ACER3: variants seen among roughly 807,000 people sequenced by gnomAD.
The protein encoded by ACER3 is alkaline ceramidase 3.
A neutral mutation model predicts 48.9 loss-of-function variants in ACER3; 16 were observed. The observed-to-expected ratio is 0.33, with a 90% confidence interval of 0.22 to 0.50. ACER3 has a LOEUF of 0.50. ACER3 is among the 20% of genes least tolerant of loss of function. The probability of loss-of-function intolerance (pLI) is 0.98; values close to 1 mark genes in which losing one functional copy is unlikely to be tolerated. For missense variants in ACER3, 227 were observed against 326.0 expected, an observed-to-expected ratio of 0.70 and a Z score of 2.34; for synonymous variants, 109 against 107.8, an observed-to-expected ratio of 1.01 and a Z score of -0.07.
chr11:76,995,065 A>T (rs1199904388), intron 6 of ACER3, among the ~76,000 whole-genome samples: 1 of 152,240 alleles, frequency 6.6e-6, no homozygotes, highest in Non-Finnish European at 1.5e-5. Context: ...GTGCTATAGG[A>T]TGATATGAAA....
At chr11:76,989,231 A>G (rs1474275321) in intron 5 of ACER3, among the ~76,000 whole-genome samples, 1 of 151,498 alleles carries the variant, frequency 6.6e-6, no homozygotes, top group Non-Finnish European at 1.5e-5. Context: ...AAAGCTCACA[A>G]TGCTTAAAGG....
intron 3 of ACER3, among the ~76,000 whole-genome samples, chr11:76,974,624 T>C (rs867777323): frequency 3.9e-5 from 6 of 152,024 alleles, no homozygotes; most frequent in Non-Finnish European, 7.4e-5. Context: ...AAAGAGGGAC[T>C]AGGGGAAGAG....
chr11:76,951,471 GT>G (rs1231319330), intron 2 of ACER3, among the ~76,000 whole-genome samples: 2 of 152,212 alleles, frequency 1.3e-5, no homozygotes, highest in East Asian at 3.9e-4. Flanking sequence ...GAGCATTTGA[GT>G]TCATCATTGA....
At chr11:76,946,882 G>T (rs10899330) in intron 2 of ACER3, among the ~76,000 whole-genome samples, 86,797 of 151,970 alleles carry the variant, frequency 0.57, 27,985 homozygotes, top group Non-Finnish European at 0.74. Flanking sequence ...CCTGAGGCCC[G>T]CAAGGGTTGA....
At chr11:76,887,872 G>A (rs188310757) in intron 1 of ACER3, among the ~76,000 whole-genome samples, 1 of 137,320 alleles carries the variant, frequency 7.3e-6, no homozygotes, top group Non-Finnish European at 1.5e-5. Context: ...AGGCTGGAGT[G>A]CAGTTGCACG....
chr11:76,971,884 A>C (rs1381615892), intron 3 of ACER3, among the ~76,000 whole-genome samples: 1 of 152,106 alleles, frequency 6.6e-6, no homozygotes, highest in African/African-American at 2.4e-5. Context: ...ATTCTCAGTT[A>C]ATCTTTCCTA....
intron 3 of ACER3, among the ~76,000 whole-genome samples, chr11:76,973,799 A>T (rs1378123352): frequency 6.6e-6 from 1 of 152,200 alleles, no homozygotes; most frequent in Non-Finnish European, 1.5e-5. Flanking sequence ...ATAGCTAAAA[A>T]ACTATTGCCT....
intron 5 of ACER3, 63 bp from the exon 6 acceptor site, chr11:76,990,476 A>T: frequency 8.9e-7 from 1 of 1,124,076 alleles, no homozygotes. Flanking sequence ...GAGTAATTGG[A>T]GTCGGTTTTT....
Position 77,015,123 on chromosome 11 carries a change from A to G in ACER3, c.599+6A>G, listed in dbSNP as rs1483673233. 7.3e-7 allele frequency: 1 copy of G among 1,369,392 alleles called. No individual in the cohort carries two copies. Among genetic ancestry groups the G allele is most frequent in the Non-Finnish European group, 1.0e-6 (1 of 965,054 alleles). The allele number at this position is 1,369,392 out of a possible 1,614,324, so 84.8% of individuals were successfully genotyped here. A position where few individuals can be genotyped will look rare whatever the true frequency, so the allele number is the denominator to read the frequency against. ...ATATTTTGTGAGTCACTGAGGTAAG[A>G]TATATTTTCATTCCTTCAGAAATAT... On this transcript the variant is annotated splice_donor_region_variant and intron_variant, in intron 8 of 10. Coordinates refer to ENST00000532485, the MANE Select transcript of ACER3 (RefSeq NM_018367.7).
intron 2 of ACER3, among the ~76,000 whole-genome samples, chr11:76,950,201 C>G (rs1487992092): frequency 1.3e-5 from 2 of 150,952 alleles, no homozygotes; most frequent in East Asian, 3.9e-4. Flanking sequence ...CCTTAGAAGT[C>G]AAGAGGGAAA....
intron 1 of ACER3, among the ~76,000 whole-genome samples, chr11:76,915,665 C>G (rs753119218): frequency 1.3e-5 from 2 of 152,126 alleles, no homozygotes; most frequent in Non-Finnish European, 2.9e-5. Flanking sequence ...AAAGAAATAC[C>G]TGAGACTGGG....
chr11:76,982,985 T>C (rs961114663), intron 4 of ACER3, among the ~76,000 whole-genome samples: 2 of 152,234 alleles, frequency 1.3e-5, no homozygotes, highest in African/African-American at 4.8e-5. Context: ...TTACTGTAGC[T>C]TTATTGTAAA....
intron 7 of ACER3, among the ~76,000 whole-genome samples, chr11:77,002,665 A>G (rs1345467653): frequency 1.3e-5 from 2 of 152,208 alleles, no homozygotes; most frequent in Admixed American, 6.5e-5. Flanking sequence ...ATTGTGTACA[A>G]TCAGTGTTAA....
chr11:76,873,048 A>G (rs955182765), intron 1 of ACER3, among the ~76,000 whole-genome samples: 8 of 151,082 alleles, frequency 5.3e-5, no homozygotes, highest in Admixed American at 6.6e-5. Flanking sequence ...AATAGCTAGC[A>G]CTACAAGTGT....
At position 77,006,791 on chromosome 11, in the gene ACER3, C is replaced by T. The variant is rs868909539; in HGVS notation, c.497+7970C>T. Among the ~76,000 whole-genome samples the T allele has an allele frequency of 2.6e-5, 4 of 151,690 alleles. No individual in the cohort carries two copies. In the South Asian group the frequency reaches 8.3e-4, roughly 32 times the overall value. On this transcript the variant is annotated intron_variant, in intron 7 of 10. Transcript: ENST00000532485. ...AAGTCTTTAGTTTTCAGAAGTTTGG[C>T]TATAGTTTGTCTTAATGTGAATTTC...
chr11:77,005,994 T>TATATATATATATATATATATATATA (rs1272209642), intron 7 of ACER3, among the ~76,000 whole-genome samples: 4 of 82,136 alleles, frequency 4.9e-5, no homozygotes, highest in Non-Finnish European at 7.6e-5. Context: ...TATATATATT[T>TATATATATATATATATATATATATA]TTTTTTTTTT....
chr11:76,902,616 G>T (rs1946108986), intron 1 of ACER3, among the ~76,000 whole-genome samples: 1 of 152,210 alleles, frequency 6.6e-6, no homozygotes, highest in Non-Finnish European at 1.5e-5. Flanking sequence ...CTTCTTGGGA[G>T]CACTTCTAGC....
chr11:76,993,730 A>G (rs910704027), intron 6 of ACER3, among the ~76,000 whole-genome samples: 7 of 152,206 alleles, frequency 4.6e-5, no homozygotes, highest in African/African-American at 1.4e-4. Flanking sequence ...TTGGGATTCC[A>G]CCTCATATCA....
At chr11:76,938,945 A>G (rs898479723) in intron 2 of ACER3, among the ~76,000 whole-genome samples, 1 of 147,182 alleles carries the variant, frequency 6.8e-6, no homozygotes, top group Admixed American at 6.8e-5. Context: ...AGCCTGGAAC[A>G]TCTTGTCAGA....
Sources: gnomAD v4.1 joint callset for allele counts (sites outside exome capture counted in the v4.1 genomes callset) on GRCh38, gnomAD v4.1.1 for gene constraint, MANE v1.5 for transcripts, NCBI Gene and HGNC (gene_info 2026-07-23, HGNC 2026-07-21) for gene names.